The following BNC2 variants were observed in gnomAD, a reference collection of about 807,000 sequenced individuals.
BNC2 encodes basonuclin zinc finger protein 2.
A neutral mutation model predicts 76.3 loss-of-function variants in BNC2; 20 were observed. The ratio of observed to expected loss-of-function variants is 0.26; its 90% CI spans 0.18 to 0.38. BNC2 has a LOEUF of 0.38. Ranked by LOEUF, BNC2 falls within the 10% of genes least tolerant of loss-of-function variation. The pLI, the probability that BNC2 is intolerant of heterozygous loss-of-function variation, is 1.00. For synonymous variants in BNC2, 582 were observed against 514.8 expected (o/e 1.13, Z -1.77); for missense variants, 1,382 against 1,399.8 (o/e 0.99, Z 0.20).
chr9:16,811,177 C>T (rs1818040265), intron 1 of BNC2, among the ~76,000 whole-genome samples: 2 of 140,336 alleles, frequency 1.4e-5, no homozygotes, highest in African/African-American at 2.6e-5. Context: ...GAGCCAAGAT[C>T]GTGCCACTGC....
At chr9:16,649,360 G>C (rs1821728996) in intron 3 of BNC2, among the ~76,000 whole-genome samples, 1 of 152,166 alleles carries the variant, frequency 6.6e-6, no homozygotes, top group Non-Finnish European at 1.5e-5. Context: ...AGAAGACCTG[G>C]AAGACTGCTT....
intron 1 of BNC2, among the ~76,000 whole-genome samples, chr9:16,860,648 T>C (rs1452895365): frequency 6.6e-6 from 1 of 152,220 alleles, no homozygotes. Flanking sequence ...AATAGTTTCT[T>C]AGATAGCATA....
intron 4 of BNC2, among the ~76,000 whole-genome samples, chr9:16,576,687 A>G (rs1231548128): frequency 5.3e-5 from 8 of 152,216 alleles, no homozygotes; most frequent in Non-Finnish European, 7.3e-5. Flanking sequence ...ATTTGTAAAT[A>G]AAATACTGAG....
chr9:16,642,501 A>T (rs538484457), intron 3 of BNC2, among the ~76,000 whole-genome samples: 1 of 152,300 alleles, frequency 6.6e-6, no homozygotes, highest in East Asian at 1.9e-4. Context: ...AAACCATACT[A>T]CAAAACCACT....
At chr9:16,587,998 T>A (rs1006443766) in intron 3 of BNC2, among the ~76,000 whole-genome samples, 1 of 152,174 alleles carries the variant, frequency 6.6e-6, no homozygotes, top group Non-Finnish European at 1.5e-5. Context: ...AGAATTTAAG[T>A]TCCATGAGGG....
Position 16,552,595 on chromosome 9 carries a change from C to A in BNC2, c.604G>T (p.Val202Leu), listed in dbSNP as rs1265616963. Residue 202 changes from valine to leucine, a missense_variant, in exon 5 of 7, where the codon GTA becomes TTA. Val to Leu is a conservative substitution (Grantham distance 32). Around this residue, in one of 3 missense-constraint regions of BNC2, gnomAD observed 557 missense variants for 540.9 expected, o/e 1.03. Transcript: ENST00000380672. ...RLFSVLKQEEVLHILHGLGWT... is the reference protein window; with the variant it reads ...RLFSVLKQEELLHILHGLGWT... ...CCAAGGCCGTGCAGTATGTGCAGTA[C>A]CTCCTCTTGCTTCAGGACGCTGAAG... 1 of 1,614,242 alleles carries A rather than the reference C, an allele frequency of 6.2e-7. No homozygotes were observed. Among genetic ancestry groups the A allele is most frequent in the Admixed American group, 1.7e-5 (1 of 60,024 alleles).
intron 1 of BNC2, among the ~76,000 whole-genome samples, chr9:16,850,503 A>T (rs1032345720): frequency 6.6e-6 from 1 of 152,240 alleles, no homozygotes; most frequent in African/African-American, 2.4e-5. Flanking sequence ...ATATTTCTAG[A>T]ACTCATCATC....
At chr9:16,515,591 T>C (rs187495673) in intron 5 of BNC2, among the ~76,000 whole-genome samples, 2 of 152,122 alleles carry the variant, frequency 1.3e-5, no homozygotes, top group Non-Finnish European at 2.9e-5. Flanking sequence ...GTCTGGAACG[T>C]CTGTCTCTAA....
chr9:16,434,059 CGTT>C (rs1477195820), intron 6 of BNC2, among the ~76,000 whole-genome samples: 3 of 151,918 alleles, frequency 2.0e-5, no homozygotes, highest in East Asian at 1.9e-4. Context: ...ACTGAAATAA[CGTT>C]GTGACTATAA....
Position 16,600,746 on chromosome 9 carries a change from G to A in BNC2, c.331-17661C>T, listed in dbSNP as rs112064776. On this transcript the variant is annotated intron_variant, in intron 3 of 6. Coordinates refer to ENST00000380672, the MANE Select transcript of BNC2 (RefSeq NM_017637.6). ...TGCGGGGGTGCGGCGGGTGGCGAGA[G>A]TCTTCTGGTGTTAGAAGTAATATAA... Among the ~76,000 whole-genome samples the A allele has an allele frequency of 8.5e-4, 130 of 152,184 alleles. 1 individual carries two copies. Among genetic ancestry groups the A allele is most frequent in the African/African-American group, 2.9e-3 (121 of 41,532 alleles).
intron 3 of BNC2, among the ~76,000 whole-genome samples, chr9:16,658,640 G>C (rs982905149): frequency 1.3e-5 from 2 of 152,088 alleles, no homozygotes; most frequent in South Asian, 2.1e-4. Flanking sequence ...AAAGATCATA[G>C]GTCTTATAAG....
chr9:16,602,787 G>A (rs1401301168), intron 3 of BNC2, among the ~76,000 whole-genome samples: 1 of 152,168 alleles, frequency 6.6e-6, no homozygotes, highest in Non-Finnish European at 1.5e-5. Flanking sequence ...AGAAACTGAT[G>A]GCTTAGACAG....
intron 1 of BNC2, among the ~76,000 whole-genome samples, chr9:16,840,088 A>G (rs2136083834): frequency 6.6e-6 from 1 of 152,340 alleles, no homozygotes; most frequent in Admixed American, 6.5e-5. Flanking sequence ...AACTTCAGAT[A>G]AGGAGGTCTA....
At chr9:16,817,986 G>A (rs1818224335) in intron 1 of BNC2, among the ~76,000 whole-genome samples, 1 of 152,118 alleles carries the variant, frequency 6.6e-6, no homozygotes, top group South Asian at 2.1e-4. Context: ...TTAGTCTAAT[G>A]CCAAGCTAAA....
At chr9:16,715,227 TCTA>T (rs1490183065) in intron 3 of BNC2, among the ~76,000 whole-genome samples, 1 of 152,246 alleles carries the variant, frequency 6.6e-6, no homozygotes, top group African/African-American at 2.4e-5. Context: ...TCCTTATGCT[TCTA>T]CCTTTATTTA....
At chr9:16,440,291 C>G (rs1184941767) in intron 5 of BNC2, among the ~76,000 whole-genome samples, 1 of 152,146 alleles carries the variant, frequency 6.6e-6, no homozygotes. Context: ...GCTGTCATTC[C>G]ATGATGCCAT....
chr9:16,801,267 G>C (rs1817771480), intron 1 of BNC2, among the ~76,000 whole-genome samples: 1 of 151,986 alleles, frequency 6.6e-6, no homozygotes, highest in African/African-American at 2.4e-5. Flanking sequence ...TTTATTTTGA[G>C]ACAGAGTCTC....
chr9:16,449,173 C>T (rs1295828535), intron 5 of BNC2, among the ~76,000 whole-genome samples: 2 of 152,114 alleles, frequency 1.3e-5, no homozygotes, highest in Admixed American at 6.5e-5. Flanking sequence ...ACGGCGTCTG[C>T]GTGCCTTAAT....
chr9:16,633,773 G>A (rs1325078464), intron 3 of BNC2, among the ~76,000 whole-genome samples: 1 of 152,190 alleles, frequency 6.6e-6, no homozygotes, highest in African/African-American at 2.4e-5. Flanking sequence ...TTATTTCTGT[G>A]ATGGCTACAA....
Sources: gnomAD v4.1 joint callset for allele counts (sites outside exome capture counted in the v4.1 genomes callset) on GRCh38, gnomAD v4.1.1 for gene constraint, gnomAD v4.1.1 regional missense constraint, MANE v1.5 for transcripts, NCBI Gene and HGNC (gene_info 2026-07-23, HGNC 2026-07-21) for gene names.